The following CYFIP2 variants were observed in gnomAD, a reference collection of about 807,000 sequenced individuals.
CYFIP2 encodes the protein cytoplasmic FMR1 interacting protein 2.
CYFIP2 carries 29 observed loss-of-function variants against 158.7 expected under a neutral mutation model. The observed-to-expected ratio is 0.18, with a 90% CI of 0.14 to 0.25. The LOEUF (loss-of-function observed/expected upper bound fraction) is 0.25. CYFIP2 is among the 10% of genes least tolerant of loss of function. The pLI is 1.00. For missense variants in CYFIP2, 852 were observed against 1,639.5 expected, an observed-to-expected ratio of 0.52 and a Z score of 8.29; for synonymous variants, 585 against 617.6, an observed-to-expected ratio of 0.95 and a Z score of 0.78.
chr5:157,338,010 T>C (rs1761981459), intron 21 of CYFIP2, among the ~76,000 whole-genome samples: 1 of 152,228 alleles, frequency 6.6e-6, no homozygotes, highest in Non-Finnish European at 1.5e-5. Context: ...GTACCGATCC[T>C]AAAAGATGGC....
chr5:157,268,559 CG>C (rs1406072736), intron 1 of CYFIP2, among the ~76,000 whole-genome samples: 1 of 152,186 alleles, frequency 6.6e-6, no homozygotes, highest in Admixed American at 6.5e-5. Context: ...GAAAACAGTA[CG>C]GGTCCCAGTC....
At chr5:157,354,421 C>A (rs1763276106) in intron 23 of CYFIP2, among the ~76,000 whole-genome samples, 1 of 152,048 alleles carries the variant, frequency 6.6e-6, no homozygotes, top group African/African-American at 2.4e-5. Context: ...CAGAAAATGC[C>A]CAGGCTCCCC....
intron 26 of CYFIP2, chr5:157,365,307 C>T (rs1324736097): frequency 6.6e-6 from 1 of 152,110 alleles, no homozygotes; most frequent in Non-Finnish European, 1.5e-5. Flanking sequence ...ATCTCTTGCC[C>T]ATTTTACTTT....
chr5:157,332,456 A>T (rs1422496421), intron 20 of CYFIP2, among the ~76,000 whole-genome samples: 1 of 152,212 alleles, frequency 6.6e-6, no homozygotes, highest in Non-Finnish European at 1.5e-5. Context: ...TCACCCCTGA[A>T]TGCTTCAGCC....
intron 2 of CYFIP2, 122 bp from the exon 3 acceptor site, chr5:157,286,897 G>A (rs756807117): frequency 1.1e-5 from 7 of 654,712 alleles, no homozygotes; most frequent in South Asian, 3.4e-5. Flanking sequence ...GAAAGGTGAC[G>A]CAGCAGGAGG....
intron 26 of CYFIP2, among the ~76,000 whole-genome samples, chr5:157,371,715 T>C (rs1267694616): frequency 6.6e-6 from 1 of 152,184 alleles, no homozygotes. Context: ...TTAAATTAAC[T>C]ATAATATGAA....
chr5:157,291,941 G>A (rs568817602), intron 3 of CYFIP2, among the ~76,000 whole-genome samples: 3 of 152,098 alleles, frequency 2.0e-5, no homozygotes, highest in African/African-American at 7.2e-5. Flanking sequence ...TCCATTTGAA[G>A]TGTACAATTC....
chr5:157,334,044 A>G (rs1056224111), intron 21 of CYFIP2, among the ~76,000 whole-genome samples: 4 of 152,246 alleles, frequency 2.6e-5, no homozygotes, highest in East Asian at 3.8e-4. Flanking sequence ...TCAGTGAATC[A>G]AAGGAAGATT....
At chr5:157,312,529 C>T (rs1759819591) in intron 11 of CYFIP2, among the ~76,000 whole-genome samples, 3 of 152,174 alleles carry the variant, frequency 2.0e-5, no homozygotes, top group Non-Finnish European at 4.4e-5. Flanking sequence ...ACACTAATCC[C>T]CTGACTCAGA....
At chr5:157,366,039 C>G (rs1167883127) in intron 26 of CYFIP2, among the ~76,000 whole-genome samples, 1 of 152,054 alleles carries the variant, frequency 6.6e-6, no homozygotes, top group Admixed American at 6.6e-5. Flanking sequence ...AGGTTAGCTT[C>G]AAAGCAGTTT....
chr5:157,306,966 G>A (rs557692880), intron 8 of CYFIP2, among the ~76,000 whole-genome samples: 21 of 151,474 alleles, frequency 1.4e-4, no homozygotes, highest in Non-Finnish European at 2.5e-4. Flanking sequence ...CACCCTGTTC[G>A]TGTCAGATGA....
chr5:157,324,215 C>A, intron 16 of CYFIP2, 141 bp downstream of exon 16: 1 of 1,032,866 alleles, frequency 9.7e-7, no homozygotes, highest in Non-Finnish European at 1.3e-6. Flanking sequence ...GGAAAAAACA[C>A]ATACACTTTC....
chr5:157,373,907 A>T (rs1197147990), intron 26 of CYFIP2, among the ~76,000 whole-genome samples: 1 of 152,204 alleles, frequency 6.6e-6, no homozygotes, highest in African/African-American at 2.4e-5. Context: ...CTAGCCAATA[A>T]AAAGAAAAGA....
chr5:157,364,867 G>GACT (rs2113393116), intron 26 of CYFIP2: 1 of 151,770 alleles, frequency 6.6e-6, no homozygotes, highest in East Asian at 1.9e-4. Context: ...GGCCATCATA[G>GACT]AGGAAAGGCT....
At chr5:157,269,076 T>G (rs1348331984) in intron 1 of CYFIP2, among the ~76,000 whole-genome samples, 1 of 152,188 alleles carries the variant, frequency 6.6e-6, no homozygotes, top group East Asian at 1.9e-4. Flanking sequence ...TAATCAACCC[T>G]TGGCTATTAC....
chr5:157,313,296 T>C (rs1293191776), intron 11 of CYFIP2, among the ~76,000 whole-genome samples: 1 of 152,270 alleles, frequency 6.6e-6, no homozygotes, highest in Admixed American at 6.5e-5. Context: ...ATCTCTGTTG[T>C]TGATTCATTA....
intron 3 of CYFIP2, among the ~76,000 whole-genome samples, chr5:157,293,369 T>C (rs1757989881): frequency 6.6e-6 from 1 of 152,162 alleles, no homozygotes; most frequent in African/African-American, 2.4e-5. Flanking sequence ...AGCCCAGGTA[T>C]TCGGACCTTG....
chr5:157,316,777 G>T (rs763719704), intron 13 of CYFIP2, among the ~76,000 whole-genome samples: 19 of 152,164 alleles, frequency 1.2e-4, no homozygotes, highest in Admixed American at 2.6e-4. Flanking sequence ...AACAATAATT[G>T]TCAAGTAAGA....
chr5:157,282,764 T>C (rs775804307), intron 1 of CYFIP2, among the ~76,000 whole-genome samples: 1 of 152,232 alleles, frequency 6.6e-6, no homozygotes, highest in Non-Finnish European at 1.5e-5. Flanking sequence ...GCCAACAGCA[T>C]GTGTAGTCAA....
Sources: gnomAD v4.1 joint callset for allele counts (sites outside exome capture counted in the v4.1 genomes callset) on GRCh38, gnomAD v4.1.1 for gene constraint, MANE v1.5 for transcripts, NCBI Gene and HGNC (gene_info 2026-07-23, HGNC 2026-07-21) for gene names.